Variants in TPTE2 observed in about 807,000 individuals in gnomAD.
TPTE2 encodes the protein phosphatidylinositol 3,4,5-trisphosphate 3-phosphatase TPTE2.
Under a neutral mutation model 78.6 loss-of-function variants are expected in TPTE2, and 53 were observed. The observed-to-expected ratio is 0.67, with a 90% CI of 0.54 to 0.85. TPTE2 has a LOEUF of 0.85. TPTE2 is among the 40% of genes least tolerant of loss of function. The probability of loss-of-function intolerance (pLI) is 0.00; values close to 1 mark genes in which losing one functional copy is unlikely to be tolerated. For missense variants in TPTE2, 461 were observed against 623.0 expected (o/e 0.74, Z 2.77); for synonymous variants, 175 against 206.2 (o/e 0.85, Z 1.30).
intron 10 of TPTE2, among the ~76,000 whole-genome samples, chr13:19,456,349 G>A (rs1190304413): frequency 1.3e-5 from 2 of 152,116 alleles, no homozygotes; most frequent in Admixed American, 6.6e-5. Context: ...GCCAAGTGTG[G>A]TGATGCCTGC....
intron 1 of TPTE2, among the ~76,000 whole-genome samples, chr13:19,515,561 A>G (rs1869738805): frequency 6.6e-6 from 1 of 152,152 alleles, no homozygotes; most frequent in Admixed American, 6.6e-5. Context: ...GGAACCTTTC[A>G]AGTTCTAAGT....
chr13:19,430,518 C>T, exon 17 of TPTE2: 2 of 1,611,084 alleles, frequency 1.2e-6, no homozygotes, highest in Non-Finnish European at 1.7e-6. Flanking sequence ...TTCTCCATTA[C>T]TACTTGGACT....
At chr13:19,480,452 T>C (rs1593385741) in intron 4 of TPTE2, among the ~76,000 whole-genome samples, 1 of 152,294 alleles carries the variant, frequency 6.6e-6, no homozygotes, top group African/African-American at 2.4e-5. Flanking sequence ...TTTTGGTGAA[T>C]ATATTTAAAA....
chr13:19,521,361 T>C (rs527660689), intron 1 of TPTE2, among the ~76,000 whole-genome samples: 267 of 151,802 alleles, frequency 1.8e-3, no homozygotes, highest in African/African-American at 6.2e-3. Flanking sequence ...CTGTTTTTTT[T>C]CTGCTTTTTT....
At chr13:19,458,220 C>A (rs1349395222) in intron 10 of TPTE2, among the ~76,000 whole-genome samples, 1 of 152,032 alleles carries the variant, frequency 6.6e-6, no homozygotes, top group African/African-American at 2.4e-5. Context: ...ATTCAAAAAC[C>A]AAACTTATTC....
chr13:19,500,543 C>G (rs928025282), intron 1 of TPTE2, among the ~76,000 whole-genome samples: 38 of 152,122 alleles, frequency 2.5e-4, no homozygotes, highest in African/African-American at 7.7e-4. Flanking sequence ...GAGCCAAAGA[C>G]AAAAACCACA....
chr13:19,491,942 C>T lies in TPTE2; in HGVS notation c.119+908G>A, dbSNP rs186891096. 4.2e-3 allele frequency among the ~76,000 whole-genome samples: 639 copies of T among 152,252 alleles called. 5 individuals carry two copies. Among genetic ancestry groups the T allele is most frequent in the South Asian group, 0.026 (126 of 4,816 alleles). ...AAAAATCAATGCTACATACAAAACT[C>T]ACATGCTATTGCTTAATGAGCAACT... On this transcript the variant is annotated intron_variant, in intron 3 of 19. Transcript: ENST00000400230.
chr13:19,435,755 G>GAC (rs60130804), intron 15 of TPTE2, among the ~76,000 whole-genome samples: 23,200 of 137,464 alleles, frequency 0.17, 1,496 homozygotes, highest in Admixed American at 0.23. Flanking sequence ...ACACAGAAAA[G>GAC]ACACACACAC....
intron 1 of TPTE2, 200 bp from the exon 5 acceptor site, chr13:19,493,701 G>A (rs1881147885): frequency 1.1e-5 from 7 of 634,240 alleles, no homozygotes; most frequent in South Asian, 4.9e-5. Context: ...ATCTTAGGCT[G>A]GGGAAAATTG....
At chr13:19,426,017 C>T (rs377388637) in intron 18 of TPTE2, among the ~76,000 whole-genome samples, 129 of 151,704 alleles carry the variant, frequency 8.5e-4, no homozygotes, top group South Asian at 1.7e-3. Context: ...TATGATCACG[C>T]CACTGCACTC....
intron 6 of TPTE2, 37 bp from the exon 10 acceptor site, chr13:19,467,381 C>T: frequency 1.4e-6 from 2 of 1,420,026 alleles, no homozygotes; most frequent in Non-Finnish European, 9.3e-7. Flanking sequence ...AGTTCATTTC[C>T]CTCTGCAAGA....
At chr13:19,460,105 G>A (rs1464704414) in intron 10 of TPTE2, among the ~76,000 whole-genome samples, 1 of 152,226 alleles carries the variant, frequency 6.6e-6, no homozygotes, top group African/African-American at 2.4e-5. Flanking sequence ...GCTACAGTGT[G>A]TAAAACTCCT....
At chr13:19,546,810 A>G in the TPTE2 span, among the ~76,000 whole-genome samples, 2 of 152,114 alleles carry the variant, frequency 1.3e-5, no homozygotes, top group Non-Finnish European at 2.9e-5. Flanking sequence ...TGTGGAAGTT[A>G]AAAATATGGC....
chr13:19,478,049 G>T (rs58511229), intron 4 of TPTE2, among the ~76,000 whole-genome samples: 1 of 152,098 alleles, frequency 6.6e-6, no homozygotes, highest in Non-Finnish European at 1.5e-5. Context: ...AGAAAAGATG[G>T]TAAATAATAT....
chr13:19,484,556 G>A (rs1880542839), intron 3 of TPTE2, among the ~76,000 whole-genome samples: 1 of 152,196 alleles, frequency 6.6e-6, no homozygotes, highest in South Asian at 2.1e-4. Context: ...AATGCTGAGA[G>A]TGGGATATGG....
In TPTE2 at chr13:19,462,809, T is replaced by C. The variant is rs577972183; in HGVS notation, c.741+1647A>G. 3.2e-4 allele frequency among the ~76,000 whole-genome samples: 49 copies of C among 151,852 alleles called. 1 individual carries two copies. Among genetic ancestry groups the C allele is most frequent in the Admixed American group, 9.2e-4 (14 of 15,260 alleles). On this transcript the variant is annotated intron_variant, in intron 10 of 19. Coordinates refer to ENST00000400230, the Ensembl canonical transcript of TPTE2. Reference sequence around the variant, plus strand: ...ATCCACCCTCCTCAGCCTCCCAAAGTGCTGGGATTACAGGTGTGAGCCACT... The same window carrying C: ...ATCCACCCTCCTCAGCCTCCCAAAGCGCTGGGATTACAGGTGTGAGCCACT...
At chr13:19,561,110 T>C in the TPTE2 span, 17 of 1,605,014 alleles carry the variant, frequency 1.1e-5, no homozygotes, top group Admixed American at 8.4e-5. Flanking sequence ...CTCTTCCTTG[T>C]GGCCTGGGAG....
At chr13:19,466,925 T>C (rs1196233236) in intron 7 of TPTE2, among the ~76,000 whole-genome samples, 1 of 152,214 alleles carries the variant, frequency 6.6e-6, no homozygotes, top group Non-Finnish European at 1.5e-5. Flanking sequence ...GGGAATTCGA[T>C]GAGAACTTCA....
intron 19 of TPTE2, among the ~76,000 whole-genome samples, chr13:19,423,372 T>C (rs1046216510): frequency 2.6e-5 from 4 of 152,214 alleles, no homozygotes; most frequent in African/African-American, 9.6e-5. Context: ...CAGTAACACA[T>C]GCTGACTCTC....
Sources: gnomAD v4.1 joint callset for allele counts (sites outside exome capture counted in the v4.1 genomes callset) on GRCh38, gnomAD v4.1.1 for gene constraint, MANE v1.5 for transcripts, NCBI Gene and HGNC (gene_info 2026-07-23, HGNC 2026-07-21) for gene names.